SCAF1: variants seen among roughly 807,000 people sequenced by gnomAD.
The protein encoded by SCAF1 is splicing factor, arginine/serine-rich 19.
A neutral mutation model predicts 91.2 loss-of-function variants in SCAF1; 28 were observed. That is an observed-to-expected ratio of 0.31 (90% CI 0.23 to 0.42). SCAF1 has a LOEUF of 0.42. Among genes scored for constraint, SCAF1 ranks in the 10% least tolerant of loss-of-function variants. The pLI is 1.00. For missense variants in SCAF1, 1,893 were observed against 1,872.1 expected, an observed-to-expected ratio of 1.01 and a Z score of -0.21; for synonymous variants, 1,036 against 833.7, an observed-to-expected ratio of 1.24 and a Z score of -4.18.
In SCAF1 at chr19:49,646,043, C is replaced by T; in HGVS notation, c.167-65C>T. 1 of 1,457,748 alleles carries T rather than the reference C, an allele frequency of 6.9e-7. No homozygotes were observed. 90.3% of individuals were successfully genotyped at this position (1,457,748 alleles called of 1,614,324 possible). A position where few individuals can be genotyped will look rare whatever the true frequency, so the allele number is the denominator to read the frequency against. On this transcript the variant is annotated intron_variant, in intron 3 of 10. Transcript: ENST00000360565. This position sits in a 1 kb window ranked among gnomAD's most constrained non-coding sequence, Gnocchi z 5.6. The stretch of plus-strand genomic sequence containing the variant: ...AGGAACTAGATCAAGCTCCTCTTTC[C>T]TCTACCCCGCAAGTCTCTGCAGCAA...
rs766070260 is a variant in SCAF1 at position 49,645,088 on chromosome 19, G to A, written c.62G>A (p.Gly21Asp). 24 of 1,614,070 alleles carry A rather than the reference G, an allele frequency of 1.5e-5. No individual in the cohort carries two copies. Among genetic ancestry groups the A allele is most frequent in the Non-Finnish European group, 2.0e-5 (24 of 1,180,014 alleles). The change falls in exon 2 of 11, where the codon GGT becomes GAT. Residue 21 changes from glycine to aspartate, a missense_variant. Coordinates refer to ENST00000360565, the MANE Select transcript of SCAF1 (RefSeq NM_021228.3). The surrounding 1 kb of genome is among the most constrained non-coding windows in gnomAD (Gnocchi z 4.6). ...TEESGEDRGD[G>D]PPDRDPTLSP... is the part of the protein sequence containing the mutation. ...GAGTCGGGGGAGGATCGGGGCGATGGTCCGCCAGACAGAGACCCCACGCTT... is the reference window on the plus strand; with the variant it reads ...GAGTCGGGGGAGGATCGGGGCGATGATCCGCCAGACAGAGACCCCACGCTT...
chr19:49,646,167 C>T lies in SCAF1; in HGVS notation c.226C>T (p.Arg76Cys), dbSNP rs368394446. ...CTGCCGGAGTCCACGGTCAGAGCCCCGTTCCCAGGAATCAGGGGGCACTGA... is the reference window on the plus strand; with the variant it reads ...CTGCCGGAGTCCACGGTCAGAGCCCTGTTCCCAGGAATCAGGGGGCACTGA... ...RRCRSPRSEP[R>C]SQESGGTDTA... The change falls in exon 4 of 11, where the codon CGT (arginine) becomes TGT (cysteine). Residue 76 changes from arginine (R) to cysteine (C), a missense_variant. By Grantham distance (180) the Arg-to-Cys change is radical. Coordinates refer to ENST00000360565, the MANE Select transcript of SCAF1 (RefSeq NM_021228.3). The surrounding 1 kb of genome is among the most constrained non-coding windows in gnomAD (Gnocchi z 5.6). 56 of 1,610,330 alleles carry T rather than the reference C, an allele frequency of 3.5e-5. No homozygotes were observed. Among genetic ancestry groups the T allele is most frequent in the South Asian group, 2.2e-5 (2 of 91,034 alleles).
At chr19:49,650,255 C>T (rs1482119785) in intron 6 of SCAF1, among the ~76,000 whole-genome samples, 9 of 152,252 alleles carry the variant, frequency 5.9e-5, no homozygotes, top group African/African-American at 2.2e-4. Flanking sequence ...CCTGGGCTCC[C>T]CAGCTCTGCC....
chr19:49,658,135 C>G, intron 10 of SCAF1, 73 bp from the exon 11 acceptor site: 1 of 1,492,410 alleles, frequency 6.7e-7, no homozygotes, highest in Non-Finnish European at 9.1e-7. Context: ...CAGTTCCAAG[C>G]TGCGCCCAAC....
chr19:49,652,234 G>A lies in SCAF1; in HGVS notation c.1845G>A (p.Pro615=), dbSNP rs978085768. 4.4e-6 allele frequency: 6 copies of A among 1,366,814 alleles called. No individual in the cohort carries two copies. The highest frequency in any genetic ancestry group is 6.2e-5 in the East Asian group (2 of 32,430). 84.7% of individuals were successfully genotyped at this position (1,366,814 alleles called of 1,614,324 possible). The change falls in exon 7 of 11, where the codon CCG becomes CCA. Residue 615 remains proline (P), a synonymous_variant. Transcript: ENST00000360565. ...GACGGCGGCGGCGCTCCGCCTCCCC[G>A]CCCCCGGCCACTTCCTCATCGTCGT... ...KRRRRRRSAS[P]PPATSSSSSS... is the part of the protein sequence containing the mutation.
In SCAF1 at chr19:49,646,890, T is replaced by A. The variant is rs1284549141; in HGVS notation, c.478+60T>A. On this transcript the variant is annotated intron_variant, in intron 6 of 10. Transcript: ENST00000360565. The surrounding 1 kb of genome is among the most constrained non-coding windows in gnomAD (Gnocchi z 5.6). ...CGTGGAGTTGTGTGGGGATCGGCTG[T>A]TTTTGGTAGTGATGGTAGCGGTGAT... 1 of 1,280,744 alleles carries A rather than the reference T, an allele frequency of 7.8e-7. No homozygotes were observed. The highest frequency in any genetic ancestry group is 1.5e-5 in the African/African-American group (1 of 67,242). The allele number at this position is 1,280,744 out of a possible 1,614,324, so 79.3% of individuals were successfully genotyped here.
At position 49,652,269 on chromosome 19, in the gene SCAF1, G is replaced by A. The variant is rs752454763; in HGVS notation, c.1880G>A (p.Arg627His). Residue 627 changes from arginine (R) to histidine (H), a missense_variant, in exon 7 of 11, where the codon CGC (arginine) becomes CAC (histidine). By Grantham distance (29) the Arg-to-His change is conservative. Coordinates refer to ENST00000360565, the MANE Select transcript of SCAF1 (RefSeq NM_021228.3). ...ACTTCCTCATCGTCGTCCTCGAGGC[G>A]CGAGCGGCACCGCGGGAAACACCGG... ...PATSSSSSSR[R>H]ERHRGKHRDG... 27 of 1,470,714 alleles carry A rather than the reference G, an allele frequency of 1.8e-5. No individual in the cohort carries two copies. Among genetic ancestry groups the A allele is most frequent in the Middle Eastern group, 1.8e-4 (1 of 5,590 alleles). 91.1% of individuals were successfully genotyped at this position (1,470,714 alleles called of 1,614,324 possible). A position where few individuals can be genotyped will look rare whatever the true frequency, so the allele number is the denominator to read the frequency against.
In SCAF1 at chr19:49,653,014, C is replaced by A. The variant is rs1355516908; in HGVS notation, c.2625C>A (p.Pro875=). Residue 875 remains proline (P), a synonymous_variant, in exon 7 of 11, where the codon CCC becomes CCA. Transcript: ENST00000360565. The stretch of plus-strand genomic sequence containing the variant: ...GCCGTGACCGCGAGAGTCGCTCCCC[C>A]TTCCTCAAACCTGACGAGCGGGCCC... ...KFSRDRESRS[P]FLKPDERAPT... is the part of the protein sequence containing the mutation. 6.2e-7 allele frequency: 1 copy of A among 1,613,920 alleles called. No individual in the cohort carries two copies. Among genetic ancestry groups the A allele is most frequent in the African/African-American group, 1.3e-5 (1 of 74,938 alleles).
In SCAF1 at chr19:49,651,806, G is replaced by A. The variant is rs1282790542; in HGVS notation, c.1417G>A (p.Ala473Thr). 2.4e-6 allele frequency: 3 copies of A among 1,263,858 alleles called. No individual in the cohort carries two copies. Among genetic ancestry groups the A allele is most frequent in the Admixed American group, 4.5e-5 (1 of 22,178 alleles). The allele number at this position is 1,263,858 out of a possible 1,614,324, so 78.3% of individuals were successfully genotyped here. The change falls in exon 7 of 11, where the codon GCC becomes ACC. Residue 473 changes from alanine to threonine, a missense_variant. Physicochemically the swap from Ala to Thr is moderately conservative, Grantham distance 58. Transcript: ENST00000360565. The part of the protein sequence containing the change: ...LGEPAPAPPA[A>T]DSRWGGLDLR... Reference sequence around the variant, plus strand: ...GGAGCCGGCTCCCGCGCCGCCCGCCGCCGACTCGCGCTGGGGCGGCCTGGA... The same window carrying A: ...GGAGCCGGCTCCCGCGCCGCCCGCCACCGACTCGCGCTGGGGCGGCCTGGA...
Position 49,653,403 on chromosome 19 carries a change from C to T in SCAF1, c.3014C>T (p.Ser1005Phe). The change falls in exon 7 of 11, where the codon TCC becomes TTC. Residue 1005 changes from serine to phenylalanine, a missense_variant. Ser to Phe is a radical substitution (Grantham distance 155, BLOSUM62 -2). Around this residue, in one of 5 missense-constraint regions of SCAF1, gnomAD observed 1,436 missense variants for 1,306.8 expected, o/e 1.10. Coordinates refer to ENST00000360565, the MANE Select transcript of SCAF1 (RefSeq NM_021228.3). The stretch of plus-strand genomic sequence containing the variant: ...AGCAGCTGCAAGACACCTGAGGTCT[C>T]CTTCCTGCCCGAGGAGGCCACTGAG... ...VDSSCKTPEV[S>F]FLPEEATEEA... 6.5e-7 allele frequency: 1 copy of T among 1,543,830 alleles called. No homozygotes were observed. Among genetic ancestry groups the T allele is most frequent in the Non-Finnish European group, 8.7e-7 (1 of 1,143,452 alleles).
rs2081045836 is a variant in SCAF1, at chr19:49,644,910, A to AG, written c.-6-107dup. The AG allele has an allele frequency of 1.5e-5, 11 of 719,866 alleles. No individual in the cohort carries two copies. The East Asian group carries it at 3.0e-4, about 20-fold the overall frequency. The allele number at this position is 719,866 out of a possible 1,614,324, so 44.6% of individuals were successfully genotyped here. A position where few individuals can be genotyped will look rare whatever the true frequency, so the allele number is the denominator to read the frequency against. On this transcript the variant is annotated intron_variant, in intron 1 of 10. Transcript: ENST00000360565. ...AGGTGGAGGAGAGGAGGGGTGCCAG[A>AG]GGGGATGCTGAGGGAGATAGTGTGG...
In SCAF1 at chr19:49,651,493, G is replaced by T; in HGVS notation, c.1104G>T (p.Ser368=). Residue 368 remains serine (S), a synonymous_variant, in exon 7 of 11, where the codon TCG becomes TCT. Transcript: ENST00000360565. The part of the protein sequence containing the change: ...EAEACREGKV[S]VEVVTAGGAA... ...AGGCTTGTCGGGAAGGCAAGGTCTCGGTGGAGGTGGTGACCGCTGGTGGAG... is the reference window on the plus strand; with the variant it reads ...AGGCTTGTCGGGAAGGCAAGGTCTCTGTGGAGGTGGTGACCGCTGGTGGAG... 6.3e-7 allele frequency: 1 copy of T among 1,577,410 alleles called. No homozygotes were observed.
Position 49,651,707 on chromosome 19 carries a change from GC to G in SCAF1, c.1323del (p.Glu442ArgfsTer22), listed in dbSNP as rs1240632489. 5 of 1,383,408 alleles carry G rather than the reference GC, an allele frequency of 3.6e-6. No individual in the cohort carries two copies. Among genetic ancestry groups the G allele is most frequent in the Non-Finnish European group, 3.7e-6 (4 of 1,079,634 alleles). 85.7% of individuals were successfully genotyped at this position (1,383,408 alleles called of 1,614,324 possible). A position where few individuals can be genotyped will look rare whatever the true frequency, so the allele number is the denominator to read the frequency against. Reference sequence around the variant, plus strand: ...CCTTCCTCAGCCTCCCGCTCCGCGGGCCCCCGAGGGGGACGACTTCTTGTCC... The same window carrying G: ...CCTTCCTCAGCCTCCCGCTCCGCGGGCCCCGAGGGGGACGACTTCTTGTCC... ...QPLPQPPAPR[A>X]PEGDDFLSLH... On this transcript the variant is annotated frameshift_variant, in exon 7 of 11. Coordinates refer to ENST00000360565, the MANE Select transcript of SCAF1 (RefSeq NM_021228.3). LOFTEE classifies it high-confidence loss of function.
chr19:49,653,846 G>A (rs891721339), intron 7 of SCAF1, 141 bp downstream of exon 7: 5 of 779,116 alleles, frequency 6.4e-6, no homozygotes, highest in Non-Finnish European at 9.5e-6. Context: ...GGTGAGTAAA[G>A]GCCAGCCAGG....
chr19:49,646,488 G>C lies in SCAF1; in HGVS notation c.262-38G>C, dbSNP rs1297797324. The stretch of plus-strand genomic sequence containing the variant: ...AAGCAGGATTTGCCAGTCTTCATGT[G>C]ACCAGGGACGGCGTAGAGCCTCTCT... On this transcript the variant is annotated intron_variant, in intron 4 of 10. Coordinates refer to ENST00000360565, the MANE Select transcript of SCAF1 (RefSeq NM_021228.3). This position sits in a 1 kb window ranked among gnomAD's most constrained non-coding sequence, Gnocchi z 5.6. 6.3e-7 allele frequency: 1 copy of C among 1,575,002 alleles called. No homozygotes were observed. Among genetic ancestry groups the C allele is most frequent in the South Asian group, 1.1e-5 (1 of 90,338 alleles).
rs767103984 is a variant in SCAF1 at position 49,652,760 on chromosome 19, T to C, written c.2371T>C (p.Ser791Pro). Residue 791 changes from serine (S) to proline (P), a missense_variant, in exon 7 of 11, where the codon TCA becomes CCA. Around this residue, in one of 5 missense-constraint regions of SCAF1, gnomAD observed 1,436 missense variants for 1,306.8 expected, o/e 1.10. Transcript: ENST00000360565. The stretch of plus-strand genomic sequence containing the variant: ...GGACAGAGATAGGGACAGGGACAGG[T>C]CATCCAAGAAGGCCCGGCCCCCCAA... ...DRDRDRDRDR[S>P]SKKARPPKES... 21 of 1,611,118 alleles carry C rather than the reference T, an allele frequency of 1.3e-5. No homozygotes were observed. In the South Asian group the frequency reaches 2.0e-4, roughly 15 times the overall value.
In SCAF1 at chr19:49,654,697, G is replaced by C; in HGVS notation, c.3445G>C (p.Ala1149Pro). Reference protein sequence around the residue: ...KPPSSLGMTPAPVPTSLGLPP... With the variant: ...KPPSSLGMTPPPVPTSLGLPP... ...ACCCTCAAGTCTGGGGATGACCCCAGCTCCTGTGCCCACCTCTTTGGGTCT... is the reference window on the plus strand; with the variant it reads ...ACCCTCAAGTCTGGGGATGACCCCACCTCCTGTGCCCACCTCTTTGGGTCT... Residue 1149 changes from alanine to proline, a missense_variant, in exon 9 of 11, where the codon GCT becomes CCT. This residue lies in a region of SCAF1 where 1,436 missense variants were observed against 1,306.8 expected (regional missense o/e 1.10). Transcript: ENST00000360565. 1 of 1,614,072 alleles carries C rather than the reference G, an allele frequency of 6.2e-7. No homozygotes were observed. The highest frequency in any genetic ancestry group is 8.5e-7 in the Non-Finnish European group (1 of 1,179,978).
In SCAF1 at chr19:49,645,560, C is replaced by T. The variant is rs1321172408; in HGVS notation, c.166+149C>T. ...AAATGGGCAGACACCCTGTAGCTGC[C>T]TTGGAAGGGCCTAGTGTGCAGTGGA... is the stretch of plus-strand genomic sequence containing the variant. On this transcript the variant is annotated intron_variant, in intron 3 of 10. Transcript: ENST00000360565. This position sits in a 1 kb window ranked among gnomAD's most constrained non-coding sequence, Gnocchi z 4.6. 2.7e-6 allele frequency: 2 copies of T among 736,600 alleles called. No homozygotes were observed. The highest frequency in any genetic ancestry group is 1.8e-5 in the African/African-American group (1 of 56,218). 45.6% of individuals were successfully genotyped at this position (736,600 alleles called of 1,614,324 possible).
Position 49,646,752 on chromosome 19 carries a change from A to G in SCAF1, c.400A>G (p.Ile134Val). The change falls in exon 6 of 11, where the codon ATC (isoleucine) becomes GTC (valine). Residue 134 changes from isoleucine to valine, a missense_variant. Coordinates refer to ENST00000360565, the MANE Select transcript of SCAF1 (RefSeq NM_021228.3). This position sits in a 1 kb window ranked among gnomAD's most constrained non-coding sequence, Gnocchi z 5.6. ...DMLELVAEVR[I>V]GDRDPIPLPV... ...GCTGGAGCTGGTGGCTGAGGTCCGA[A>G]TCGGGGACAGAGATCCCATCCCTCT... The G allele has an allele frequency of 1.2e-6, 2 of 1,613,994 alleles. No homozygotes were observed. The highest frequency in any genetic ancestry group is 1.7e-6 in the Non-Finnish European group (2 of 1,180,006).
Sources: gnomAD v4.1 joint callset for allele counts (sites outside exome capture counted in the v4.1 genomes callset) on GRCh38, gnomAD v4.1.1 for gene constraint, gnomAD v4.1.1 regional missense constraint, Gnocchi (gnomAD v3.1) non-coding constraint, MANE v1.5 for transcripts, NCBI Gene and HGNC (gene_info 2026-07-23, HGNC 2026-07-21) for gene names.